The following SAFB variants were observed in gnomAD, a reference collection of about 807,000 sequenced individuals.
SAFB encodes the protein scaffold attachment factor B, also known as scaffold attachment factor B1.
A neutral mutation model predicts 101.6 loss-of-function variants in SAFB; 15 were observed. The observed-to-expected ratio is 0.15, with a 90% CI of 0.10 to 0.23. The LOEUF (loss-of-function observed/expected upper bound fraction) is 0.23. Ranked by LOEUF, SAFB falls within the 10% of genes least tolerant of loss-of-function variation. The pLI is 1.00. For missense variants in SAFB, 930 were observed against 1,104.1 expected, an observed-to-expected ratio of 0.84 and a Z score of 2.23; for synonymous variants, 449 against 407.5, an observed-to-expected ratio of 1.10 and a Z score of -1.23.
At chr19:5,637,297 T>C (rs1435051677) in intron 2 of SAFB, among the ~76,000 whole-genome samples, 2 of 139,100 alleles carry the variant, frequency 1.4e-5, no homozygotes, top group Non-Finnish European at 3.1e-5. Flanking sequence ...TGAGCCAAGA[T>C]CGTGCCACTG....
At chr19:5,666,837 T>G (rs887383115) in intron 17 of SAFB, 2 of 647,084 alleles carry the variant, frequency 3.1e-6, no homozygotes, top group Non-Finnish European at 5.5e-6. Flanking sequence ...TACTAGTACC[T>G]TTTTTGTACC....
intron 4 of SAFB, among the ~76,000 whole-genome samples, chr19:5,644,390 A>C (rs139198910): frequency 6.6e-6 from 1 of 152,186 alleles, no homozygotes; most frequent in Non-Finnish European, 1.5e-5. Context: ...AACTCAAACA[A>C]TCTCCAAAAG....
Position 5,667,824 on chromosome 19 carries a change from C to T in SAFB, c.2562C>T (p.Gly854=), listed in dbSNP as rs148221587. Residue 854 remains glycine (G), a synonymous_variant, in exon 20 of 21, where the codon GGC becomes GGT. Coordinates refer to ENST00000588852, the MANE Select transcript of SAFB (RefSeq NM_001201338.2). This position sits in a 1 kb window ranked among gnomAD's most constrained non-coding sequence, Gnocchi z 4.0. ...MDRDHKRWQG[G]ERSMSGHSGP... ...GAAAGCACGTCTGTCTTCCAGGTGGCGAGAGAAGCATGTCCGGTCACTCCG... is the reference window on the plus strand; with the variant it reads ...GAAAGCACGTCTGTCTTCCAGGTGGTGAGAGAAGCATGTCCGGTCACTCCG... The T allele has an allele frequency of 7.9e-5, 128 of 1,613,942 alleles. No individual in the cohort carries two copies. The highest frequency in any genetic ancestry group is 9.3e-5 in the African/African-American group (7 of 75,056).
intron 2 of SAFB, among the ~76,000 whole-genome samples, chr19:5,636,135 A>G (rs1008363893): frequency 1.3e-4 from 20 of 152,032 alleles, no homozygotes; most frequent in African/African-American, 4.1e-4. Context: ...GTACCTGTAC[A>G]TACTGCTTGG....
intron 17 of SAFB, chr19:5,664,782 G>C: frequency 3.5e-6 from 1 of 285,926 alleles, no homozygotes; most frequent in South Asian, 3.6e-5. Context: ...ACTCAGACAG[G>C]TGCATCTGGG....
chr19:5,631,771 C>T (rs1407486136), intron 2 of SAFB, among the ~76,000 whole-genome samples: 7 of 152,156 alleles, frequency 4.6e-5, no homozygotes, highest in East Asian at 1.9e-4. Context: ...AGGGGCTGTG[C>T]GAGATGGCTC....
At position 5,667,331 on chromosome 19, in the gene SAFB, A is replaced by G. The variant is rs537179714; in HGVS notation, c.2454-16A>G. 14 of 1,473,412 alleles carry G rather than the reference A, an allele frequency of 9.5e-6. No individual in the cohort carries two copies. The African/African-American group carries it at 1.6e-4, about 17-fold the overall frequency. The allele number at this position is 1,473,412 out of a possible 1,614,324, so 91.3% of individuals were successfully genotyped here. A position where few individuals can be genotyped will look rare whatever the true frequency, so the allele number is the denominator to read the frequency against. On this transcript the variant is annotated splice_polypyrimidine_tract_variant and intron_variant, in intron 18 of 20. Coordinates refer to ENST00000588852, the MANE Select transcript of SAFB (RefSeq NM_001201338.2). This position sits in a 1 kb window ranked among gnomAD's most constrained non-coding sequence, Gnocchi z 4.0. ...GAGATGGGGGCAATCCAAATCAGAGATGTCTCTCTTTCAAGGGGCAGACGT... is the reference window on the plus strand; with the variant it reads ...GAGATGGGGGCAATCCAAATCAGAGGTGTCTCTCTTTCAAGGGGCAGACGT...
intron 2 of SAFB, among the ~76,000 whole-genome samples, chr19:5,636,058 T>A (rs2053588516): frequency 6.6e-6 from 1 of 152,072 alleles, no homozygotes; most frequent in Non-Finnish European, 1.5e-5. Context: ...GATTGCATGT[T>A]CTCTCGACAT....
At chr19:5,648,888 T>G (rs2053879670) in intron 6 of SAFB, 101 bp from the exon 7 acceptor site, 1 of 429,242 alleles carries the variant, frequency 2.3e-6, no homozygotes, top group African/African-American at 2.1e-5. Flanking sequence ...CTAGCAGTTC[T>G]CTTCGTGTTA....
intron 2 of SAFB, among the ~76,000 whole-genome samples, chr19:5,635,072 A>G (rs939260839): frequency 6.6e-6 from 1 of 152,084 alleles, no homozygotes; most frequent in African/African-American, 2.4e-5. Flanking sequence ...CAGGAGGCGG[A>G]GGTTCCGGTG....
At chr19:5,635,457 G>C (rs1279706451) in intron 2 of SAFB, among the ~76,000 whole-genome samples, 1 of 152,108 alleles carries the variant, frequency 6.6e-6, no homozygotes, top group Admixed American at 6.5e-5. Flanking sequence ...ACCAAGCTGG[G>C]AACGTTGGTA....
chr19:5,664,344 T>C, intron 16 of SAFB, 53 bp from the exon 17 acceptor site: 1 of 1,550,714 alleles, frequency 6.4e-7, no homozygotes, highest in East Asian at 2.2e-5. Context: ...GGTCCTCTCT[T>C]TGTGAACAAG....
intron 2 of SAFB, among the ~76,000 whole-genome samples, chr19:5,630,344 CAT>C (rs2053462079): frequency 6.6e-6 from 1 of 152,262 alleles, no homozygotes; most frequent in Admixed American, 6.5e-5. Context: ...TATAAAGACT[CAT>C]ATAAAATGTT....
intron 2 of SAFB, among the ~76,000 whole-genome samples, chr19:5,633,542 G>A (rs1404247059): frequency 6.6e-6 from 1 of 152,178 alleles, no homozygotes; most frequent in Non-Finnish European, 1.5e-5. Context: ...CACTTTGGGA[G>A]GCCGAGGCAG....
intron 13 of SAFB, among the ~76,000 whole-genome samples, 192 bp from the exon 14 acceptor site, chr19:5,657,049 G>A (rs1762027964): frequency 6.6e-6 from 1 of 152,092 alleles, no homozygotes; most frequent in Non-Finnish European, 1.5e-5. Context: ...GGGATTACAG[G>A]TGTGAGCCAC....
intron 15 of SAFB, among the ~76,000 whole-genome samples, chr19:5,663,446 G>T (rs529907860): frequency 8.9e-4 from 135 of 152,332 alleles, no homozygotes; most frequent in African/African-American, 3.2e-3. Context: ...GGCAAAAATT[G>T]CTGTTTGTTG....
intron 2 of SAFB, among the ~76,000 whole-genome samples, chr19:5,627,647 G>A (rs1460976356): frequency 1.3e-5 from 2 of 152,030 alleles, no homozygotes; most frequent in Admixed American, 1.3e-4. Flanking sequence ...CACACCCTGT[G>A]CTTTAGTCAG....
Position 5,648,037 on chromosome 19 carries a change from G to C in SAFB, c.631G>C (p.Glu211Gln). ...GCAGGAAATTGAAGAGCCATCCCTG[G>C]AGCCAGGTACTGTTAAATGAAAAAC... The part of the protein sequence containing the change: ...ILQEIEEPSL[E>Q]PENEKILDIL... Residue 211 changes from glutamate to glutamine, a missense_variant, in exon 6 of 21, where the codon GAG becomes CAG. Glu to Gln is a conservative substitution (Grantham distance 29). This residue lies in a region of SAFB where 130 missense variants were observed against 114.2 expected (regional missense o/e 1.14). Transcript: ENST00000588852. 6.2e-7 allele frequency: 1 copy of C among 1,613,450 alleles called. No homozygotes were observed. Among genetic ancestry groups the C allele is most frequent in the Non-Finnish European group, 8.5e-7 (1 of 1,179,580 alleles).
chr19:5,643,533 G>A (rs1191988556), intron 4 of SAFB, among the ~76,000 whole-genome samples: 2 of 152,104 alleles, frequency 1.3e-5, no homozygotes, highest in African/African-American at 2.4e-5. Flanking sequence ...CTTCTAAAAA[G>A]GAGTAGCAGA....
Sources: allele counts gnomAD v4.1 joint callset (sites outside exome capture counted in the v4.1 genomes callset), GRCh38; gene constraint gnomAD v4.1.1; regional missense constraint gnomAD v4.1.1; non-coding constraint Gnocchi (gnomAD v3.1); transcripts MANE v1.5; gene names NCBI Gene and HGNC (gene_info 2026-07-23, HGNC 2026-07-21).